Variants in CD200 observed in about 807,000 individuals in gnomAD.
CD200 encodes the protein OX-2 membrane glycoprotein.
CD200 carries 15 observed loss-of-function variants against 30.9 expected under a neutral mutation model. That is an observed-to-expected ratio of 0.49 (90% CI 0.32 to 0.75). The LOEUF is 0.75. Ranked by LOEUF, CD200 falls within the 30% of genes least tolerant of loss-of-function variation. The probability of loss-of-function intolerance (pLI) is 0.03; values close to 1 mark genes in which losing one functional copy is unlikely to be tolerated. For synonymous variants in CD200, 134 were observed against 126.2 expected, an observed-to-expected ratio of 1.06 and a Z score of -0.41; for missense variants, 262 against 324.2, an observed-to-expected ratio of 0.81 and a Z score of 1.47.
chr3:112,356,042 G>A (rs1031631788), intron 5 of CD200, among the ~76,000 whole-genome samples: 4 of 152,120 alleles, frequency 2.6e-5, no homozygotes, highest in Non-Finnish European at 4.4e-5. Context: ...TCAATGTTAA[G>A]TTCCGCATTT....
intron 5 of CD200, among the ~76,000 whole-genome samples, chr3:112,356,953 A>C (rs1006073181): frequency 6.6e-6 from 1 of 152,186 alleles, no homozygotes; most frequent in African/African-American, 2.4e-5. Context: ...ACGGGAATAC[A>C]TACAAGTGCT....
At chr3:112,336,721 T>C (rs1162972095) in intron 1 of CD200, among the ~76,000 whole-genome samples, 1 of 151,714 alleles carries the variant, frequency 6.6e-6, no homozygotes, top group African/African-American at 2.4e-5. Flanking sequence ...CCGTGATGGG[T>C]TCATTAAGGA....
chr3:112,332,925 A>AT (rs909438173), upstream of CD200: 1,772 of 470,170 alleles, frequency 3.8e-3, no homozygotes, highest in Middle Eastern at 7.4e-3. Context: ...AAAAAAAATG[A>AT]TTTTTTTTTT....
chr3:112,342,328 T>TC (rs1559783067), intron 2 of CD200, among the ~76,000 whole-genome samples: 21 of 24,464 alleles, frequency 8.6e-4, no homozygotes, highest in Non-Finnish European at 1.3e-3. Context: ...TTTCTTTCTT[T>TC]CTTTCTTTCC....
upstream of CD200, chr3:112,332,993 A>T: frequency 1.6e-6 from 1 of 618,268 alleles, no homozygotes. Context: ...AATGTCTGAA[A>T]ATAGACAAAG....
intron 3 of CD200, 101 bp from the exon 4 acceptor site, chr3:112,347,457 T>A: frequency 8.4e-7 from 1 of 1,192,224 alleles, no homozygotes; most frequent in Non-Finnish European, 1.2e-6. Flanking sequence ...CTAGCCTCCA[T>A]TATCTTTCTA....
rs773488900 is a variant in CD200 at position 112,345,158 on chromosome 3, C to T, written c.291C>T (p.Thr97=). The T allele has an allele frequency of 1.2e-6, 2 of 1,614,080 alleles. No individual in the cohort carries two copies. Among genetic ancestry groups the T allele is most frequent in the Non-Finnish European group, 1.7e-6 (2 of 1,179,972 alleles). The part of the protein sequence containing the change: ...QPAYKDKINI[T]QLGLQNSTIT... ...CCTATAAGGACAAGATAAACATTACCCAGCTGGGACTCCAAAACTCAACCA... is the reference window on the plus strand; with the variant it reads ...CCTATAAGGACAAGATAAACATTACTCAGCTGGGACTCCAAAACTCAACCA... Residue 97 remains threonine (T), a synonymous_variant, in exon 3 of 6, where the codon ACC becomes ACT. Transcript: ENST00000315711.
intron 2 of CD200, among the ~76,000 whole-genome samples, chr3:112,342,074 T>C (rs2081250961): frequency 6.6e-6 from 1 of 152,166 alleles, no homozygotes; most frequent in Non-Finnish European, 1.5e-5. Flanking sequence ...ATCCAGATTA[T>C]CAGTCTTTAA....
chr3:112,356,574 G>T (rs2081627594), intron 5 of CD200, among the ~76,000 whole-genome samples: 1 of 152,102 alleles, frequency 6.6e-6, no homozygotes, highest in African/African-American at 2.4e-5. Flanking sequence ...TTGTACAATA[G>T]ATCTCTTGAA....
upstream of CD200, chr3:112,333,045 T>C: frequency 1.1e-6 from 1 of 913,852 alleles, no homozygotes; most frequent in Non-Finnish European, 1.7e-6. Flanking sequence ...ACAGACAGCC[T>C]CCGCTCCTGT....
intron 5 of CD200, among the ~76,000 whole-genome samples, chr3:112,357,679 T>C (rs1362406930): frequency 1.3e-5 from 2 of 152,180 alleles, no homozygotes; most frequent in African/African-American, 4.8e-5. Flanking sequence ...TTTGGACACA[T>C]GGGCATGCGT....
rs1559795911 is a variant in CD200, at chr3:112,362,568, T to C, written c.*1018T>C. On this transcript the variant is annotated 3_prime_UTR_variant, in exon 6 of 6. Transcript: ENST00000315711. ...ATATGAGCATACAATCCCTTTGTTC[T>C]AAAGATATTGTTCCAGCTAGTGGAA... 1 of 152,654 alleles carries C rather than the reference T, an allele frequency of 6.6e-6. No homozygotes were observed. The highest frequency in any genetic ancestry group is 1.5e-5 in the Non-Finnish European group (1 of 68,040). 9.5% of individuals were successfully genotyped at this position (152,654 alleles called of 1,614,324 possible). A position where few individuals can be genotyped will look rare whatever the true frequency, so the allele number is the denominator to read the frequency against.
chr3:112,332,948 T>C (rs1485544902), upstream of CD200: 1 of 547,030 alleles, frequency 1.8e-6, no homozygotes, highest in Non-Finnish European at 3.2e-6. Flanking sequence ...AAACACTTTG[T>C]CAGTTTCCCC....
chr3:112,335,272 C>G (rs753113865), intron 1 of CD200, among the ~76,000 whole-genome samples: 27 of 152,014 alleles, frequency 1.8e-4, no homozygotes, highest in Non-Finnish European at 3.7e-4. Context: ...GTGAGCAGAT[C>G]TTTGTAGGCT....
upstream of CD200, chr3:112,333,143 C>T: frequency 2.6e-6 from 4 of 1,544,338 alleles, no homozygotes; most frequent in Non-Finnish European, 3.5e-6. Flanking sequence ...GACGCTCCTC[C>T]CGCCTGCCTA....
chr3:112,361,653 G>A lies in CD200; in HGVS notation c.*103G>A. Reference sequence around the variant, plus strand: ...GCCATTCTCCAAAGGACCTGAAAGAGCAAAAGAGGTGGGAGCGAAAGCCTT... The same window carrying A: ...GCCATTCTCCAAAGGACCTGAAAGAACAAAAGAGGTGGGAGCGAAAGCCTT... On this transcript the variant is annotated 3_prime_UTR_variant, in exon 6 of 6. Transcript: ENST00000315711. 4 of 1,063,036 alleles carry A rather than the reference G, an allele frequency of 3.8e-6. No homozygotes were observed. The highest frequency in any genetic ancestry group is 4.7e-5 in the East Asian group (2 of 42,378). The allele number at this position is 1,063,036 out of a possible 1,614,324, so 65.9% of individuals were successfully genotyped here. A position where few individuals can be genotyped will look rare whatever the true frequency, so the allele number is the denominator to read the frequency against.
chr3:112,336,000 A>G (rs750349669), intron 1 of CD200: 4 of 1,610,302 alleles, frequency 2.5e-6, no homozygotes, highest in Non-Finnish European at 3.4e-6. Context: ...AGGAAAGACC[A>G]CCATCAATGA....
chr3:112,358,967 C>G (rs537422670), intron 5 of CD200, among the ~76,000 whole-genome samples: 1 of 152,202 alleles, frequency 6.6e-6, no homozygotes, highest in South Asian at 2.1e-4. Flanking sequence ...AAGTATATTC[C>G]TGAACCACAC....
chr3:112,337,295 G>T (rs1026644188), intron 1 of CD200, among the ~76,000 whole-genome samples: 1 of 152,146 alleles, frequency 6.6e-6, no homozygotes, highest in Non-Finnish European at 1.5e-5. Flanking sequence ...AAATGCTTCC[G>T]AAGAGGAGGA....
Sources: gnomAD v4.1 joint callset for allele counts (sites outside exome capture counted in the v4.1 genomes callset) on GRCh38, gnomAD v4.1.1 for gene constraint, MANE v1.5 for transcripts, NCBI Gene and HGNC (gene_info 2026-07-23, HGNC 2026-07-21) for gene names.